Variants in PSMD14 observed in about 807,000 individuals in gnomAD.
PSMD14 encodes the protein ubiquitin C-terminal hydrolase PSMD14.
PSMD14 carries 7 observed loss-of-function variants against 41.2 expected under a neutral mutation model. The ratio of observed to expected loss-of-function variants is 0.17; its 90% CI spans 0.10 to 0.32. The LOEUF (loss-of-function observed/expected upper bound fraction) is 0.32. PSMD14 is among the 10% of genes least tolerant of loss of function. PSMD14 has a pLI of 1.00. For missense variants in PSMD14, 139 were observed against 375.6 expected (o/e 0.37, Z 5.21); for synonymous variants, 114 against 122.3 (o/e 0.93, Z 0.45).
chr2:161,345,918 C>T (rs990530710), intron 3 of PSMD14, among the ~76,000 whole-genome samples: 1 of 151,908 alleles, frequency 6.6e-6, no homozygotes, highest in Non-Finnish European at 1.5e-5. Context: ...TGAGACAGGG[C>T]CTCACTTCTG....
chr2:161,332,160 CAT>C (rs1293402228), intron 3 of PSMD14, among the ~76,000 whole-genome samples: 1 of 152,134 alleles, frequency 6.6e-6, no homozygotes, highest in African/African-American at 2.4e-5. Context: ...TTTATCCTGA[CAT>C]GTAATACTTG....
At chr2:161,362,753 T>TTTCTCTACTCGTATGGTTTTAGAC (rs1683307547) in intron 3 of PSMD14, among the ~76,000 whole-genome samples, 1 of 152,212 alleles carries the variant, frequency 6.6e-6, no homozygotes, top group Non-Finnish European at 1.5e-5. Flanking sequence ...GGCTGTTTGG[T>TTTCTCTACTCGTATGGTTTTAGAC]TTCTCTACTC....
chr2:161,340,112 A>G (rs538170463), intron 3 of PSMD14, among the ~76,000 whole-genome samples: 1 of 152,320 alleles, frequency 6.6e-6, no homozygotes, highest in South Asian at 2.1e-4. Context: ...CTGCTATAGC[A>G]GAGTGGAGAT....
At chr2:161,316,031 A>G (rs1433784335) in intron 1 of PSMD14, among the ~76,000 whole-genome samples, 1 of 152,066 alleles carries the variant, frequency 6.6e-6, no homozygotes, top group Non-Finnish European at 1.5e-5. Flanking sequence ...TTTAGTAGAC[A>G]CAGTGTTTCA....
chr2:161,317,579 A>C (rs1234682455), intron 2 of PSMD14, among the ~76,000 whole-genome samples: 1 of 152,154 alleles, frequency 6.6e-6, no homozygotes, highest in Non-Finnish European at 1.5e-5. Flanking sequence ...CCATGGCCAT[A>C]TCGTTTGTTT....
intron 3 of PSMD14, among the ~76,000 whole-genome samples, chr2:161,329,303 T>C (rs1013661399): frequency 6.6e-6 from 1 of 152,302 alleles, no homozygotes; most frequent in Admixed American, 6.5e-5. Context: ...TCATAGATCA[T>C]TGTGTACAAT....
intron 10 of PSMD14, among the ~76,000 whole-genome samples, chr2:161,405,200 C>T (rs1403489052): frequency 6.6e-6 from 1 of 152,106 alleles, no homozygotes; most frequent in Non-Finnish European, 1.5e-5. Context: ...CAGCCATTCT[C>T]CCATGGTTTT....
intron 3 of PSMD14, among the ~76,000 whole-genome samples, chr2:161,337,301 CT>C (rs2105239589): frequency 6.6e-6 from 1 of 152,212 alleles, no homozygotes; most frequent in African/African-American, 2.4e-5. Flanking sequence ...TAGAATTGCT[CT>C]TTTTTGGTAT....
At chr2:161,367,726 G>C (rs1186065133) in intron 4 of PSMD14, 58 bp from the exon 5 acceptor site, 5 of 1,566,222 alleles carry the variant, frequency 3.2e-6, no homozygotes, top group Non-Finnish European at 4.3e-6. Context: ...GTTTTATAAA[G>C]AAGAACCAGA....
chr2:161,318,796 G>T, intron 2 of PSMD14, 26 bp from the exon 3 acceptor site: 1 of 1,602,970 alleles, frequency 6.2e-7, no homozygotes, highest in Non-Finnish European at 8.5e-7. Context: ...GCTTAGGAAC[G>T]TTTTTTCTTT....
intron 3 of PSMD14, among the ~76,000 whole-genome samples, chr2:161,350,252 A>G (rs964113212): frequency 6.6e-5 from 10 of 152,228 alleles, no homozygotes; most frequent in African/African-American, 9.6e-5. Flanking sequence ...TGAATTTCAG[A>G]TAAGTAACCA....
Position 161,408,582 on chromosome 2 carries a change from A to G in PSMD14, c.772-255A>G, listed in dbSNP as rs540023398. 3 of 405,206 alleles carry G rather than the reference A, an allele frequency of 7.4e-6. No homozygotes were observed. The East Asian group carries it at 1.5e-4, about 20-fold the overall frequency. The allele number at this position is 405,206 out of a possible 1,614,324, so 25.1% of individuals were successfully genotyped here. ...TAACAGTTTGCAAATGGTCAACACA[A>G]TCATTTAGTGATCCTGTTTGATATT... On this transcript the variant is annotated intron_variant, in intron 10 of 11. Transcript: ENST00000409682.
intron 3 of PSMD14, among the ~76,000 whole-genome samples, chr2:161,356,677 A>G (rs1410664385): frequency 6.6e-6 from 1 of 151,960 alleles, no homozygotes; most frequent in African/African-American, 2.4e-5. Flanking sequence ...TTTTAAAAAT[A>G]ATTTTTAAAA....
rs1683380011 is a variant in PSMD14 at position 161,367,847 on chromosome 2, G to A, written c.184G>A (p.Val62Ile). ...TATGGGTTTGATGCTTGGAGAATTT[G>A]TTGATGATTATACCGTCAGAGTGAT... Reference protein sequence around the residue: ...EVMGLMLGEFVDDYTVRVIDV... With the variant: ...EVMGLMLGEFIDDYTVRVIDV... Residue 62 changes from valine (V) to isoleucine (I), a missense_variant, in exon 5 of 12, where the codon GTT (valine) becomes ATT (isoleucine). Around this residue, in one of 4 missense-constraint regions of PSMD14, gnomAD observed 35 missense variants for 162.9 expected, o/e 0.21. Coordinates refer to ENST00000409682, the MANE Select transcript of PSMD14 (RefSeq NM_005805.6). The A allele has an allele frequency of 1.2e-6, 2 of 1,613,582 alleles. No individual in the cohort carries two copies. Among genetic ancestry groups the A allele is most frequent in the Non-Finnish European group, 1.7e-6 (2 of 1,179,604 alleles).
intron 1 of PSMD14, among the ~76,000 whole-genome samples, chr2:161,309,595 C>G (rs1286554229): frequency 1.3e-5 from 2 of 152,150 alleles, no homozygotes; most frequent in African/African-American, 4.8e-5. Flanking sequence ...GCCTTCCTGT[C>G]ACGTAAGGCT....
At position 161,391,203 on chromosome 2, in the gene PSMD14, G is replaced by A. The variant is rs776861109; in HGVS notation, c.645+25G>A. 2.4e-5 allele frequency: 35 copies of A among 1,483,434 alleles called. No homozygotes were observed. In the South Asian group the frequency reaches 3.9e-4, roughly 16 times the overall value. 91.9% of individuals were successfully genotyped at this position (1,483,434 alleles called of 1,614,324 possible). A position where few individuals can be genotyped will look rare whatever the true frequency, so the allele number is the denominator to read the frequency against. Reference sequence around the variant, plus strand: ...GGTAAGTTTAAATTTTTATCTTATAGGAGGAAAAAAATCTTTTTCAAACCA... The same window carrying A: ...GGTAAGTTTAAATTTTTATCTTATAAGAGGAAAAAAATCTTTTTCAAACCA... On this transcript the variant is annotated intron_variant, in intron 9 of 11. Coordinates refer to ENST00000409682, the MANE Select transcript of PSMD14 (RefSeq NM_005805.6).
In PSMD14 at chr2:161,341,211, C is replaced by T. The variant is rs1047046330; in HGVS notation, c.48+22338C>T. 9.9e-5 allele frequency: 96 copies of T among 968,932 alleles called. No homozygotes were observed. In the African/African-American group the frequency reaches 1.7e-3, roughly 17 times the overall value. The allele number at this position is 968,932 out of a possible 1,614,324, so 60.0% of individuals were successfully genotyped here. A position where few individuals can be genotyped will look rare whatever the true frequency, so the allele number is the denominator to read the frequency against. On this transcript the variant is annotated intron_variant, in intron 3 of 11. Coordinates refer to ENST00000409682, the MANE Select transcript of PSMD14 (RefSeq NM_005805.6). ...CGGGGGCGCGGGTTCCGGGGGCGCG[C>T]GGGCAGGCTCCGGGCTCGCGGCCGC...
At chr2:161,373,003 A>T (rs1204069416) in intron 7 of PSMD14, among the ~76,000 whole-genome samples, 1 of 151,862 alleles carries the variant, frequency 6.6e-6, no homozygotes, top group African/African-American at 2.4e-5. Context: ...TGCATTCTCA[A>T]AATAGAGTAA....
At chr2:161,355,418 A>G (rs1003712118) in intron 3 of PSMD14, among the ~76,000 whole-genome samples, 1 of 152,142 alleles carries the variant, frequency 6.6e-6, no homozygotes, top group Admixed American at 6.5e-5. Context: ...AGTATTTGTA[A>G]TATTATATAA....
Sources: allele counts gnomAD v4.1 joint callset (sites outside exome capture counted in the v4.1 genomes callset), GRCh38; gene constraint gnomAD v4.1.1; regional missense constraint gnomAD v4.1.1; transcripts MANE v1.5; gene names NCBI Gene and HGNC (gene_info 2026-07-23, HGNC 2026-07-21).